Variants in INPP5A observed in about 807,000 individuals in gnomAD.
INPP5A encodes 43 kDa inositol polyphosphate 5-phophatase.
In INPP5A, 14 loss-of-function variants were observed where a neutral mutation model predicts 65.2. The observed-to-expected ratio is 0.21, with a 90% CI of 0.14 to 0.34. The LOEUF (loss-of-function observed/expected upper bound fraction) is 0.34. INPP5A is among the 10% of genes least tolerant of loss of function. The pLI is 1.00. For synonymous variants in INPP5A, 207 were observed against 208.3 expected (o/e 0.99, Z 0.05); for missense variants, 431 against 545.6 (o/e 0.79, Z 2.09).
intron 7 of INPP5A, 107 bp from the exon 8 acceptor site, chr10:132,710,230 G>A (rs1268945123): frequency 7.3e-7 from 1 of 1,372,810 alleles, no homozygotes; most frequent in African/African-American, 1.4e-5. Context: ...GCTCCGCACG[G>A]CGGAGGCCAG....
intron 1 of INPP5A, among the ~76,000 whole-genome samples, chr10:132,553,498 A>G (rs371664372): frequency 8.6e-4 from 103 of 120,154 alleles, no homozygotes; most frequent in South Asian, 1.8e-3. Context: ...ACTGGTGAAC[A>G]CCTTCTCAGA....
At chr10:132,736,579 A>T (rs534555635) in intron 9 of INPP5A, among the ~76,000 whole-genome samples, 1 of 152,282 alleles carries the variant, frequency 6.6e-6, no homozygotes, top group African/African-American at 2.4e-5. Flanking sequence ...ACCAGGGAGG[A>T]TACCACCACT....
chr10:132,585,281 G>A (rs1371999673), intron 1 of INPP5A, among the ~76,000 whole-genome samples: 1 of 152,356 alleles, frequency 6.6e-6, no homozygotes, highest in East Asian at 1.9e-4. Context: ...TACAAGTACA[G>A]TAGTCCTCCC....
chr10:132,689,631 C>T (rs1264990527), intron 4 of INPP5A, among the ~76,000 whole-genome samples: 2 of 152,198 alleles, frequency 1.3e-5, no homozygotes, highest in South Asian at 2.1e-4. Flanking sequence ...AAAAAATACA[C>T]AGAAATAATA....
chr10:132,709,489 T>C (rs1170592475), intron 7 of INPP5A, among the ~76,000 whole-genome samples: 1 of 151,896 alleles, frequency 6.6e-6, no homozygotes, highest in East Asian at 1.9e-4. Context: ...CCCCAGGCAG[T>C]GCAGGCTGCA....
chr10:132,618,195 T>C (rs749783641), intron 2 of INPP5A, among the ~76,000 whole-genome samples: 1 of 152,216 alleles, frequency 6.6e-6, no homozygotes, highest in Non-Finnish European at 1.5e-5. Flanking sequence ...TGTTGTTTAT[T>C]TATCAGGGAG....
intron 2 of INPP5A, among the ~76,000 whole-genome samples, chr10:132,634,085 C>T (rs1435629030): frequency 1.3e-5 from 2 of 152,264 alleles, no homozygotes; most frequent in African/African-American, 4.8e-5. Flanking sequence ...TCAGTAATTC[C>T]AACCTATTCA....
In INPP5A at chr10:132,650,450, A is replaced by G. The variant is rs768160475; in HGVS notation, c.251A>G (p.Tyr84Cys). 2.5e-6 allele frequency: 4 copies of G among 1,613,850 alleles called. No individual in the cohort carries two copies. The highest frequency in any genetic ancestry group is 1.3e-5 in the African/African-American group (1 of 74,932). Residue 84 changes from tyrosine to cysteine, a missense_variant, in exon 4 of 16, where the codon TAT becomes TGT. By Grantham distance (194) the Tyr-to-Cys change is radical (BLOSUM62 -2). Coordinates refer to ENST00000368594, the MANE Select transcript of INPP5A (RefSeq NM_005539.5). This position sits in a 1 kb window ranked among gnomAD's most constrained non-coding sequence, Gnocchi z 5.5. ...ELLSSDAMKEYNRARVYLDEN... is the reference protein window; with the variant it reads ...ELLSSDAMKECNRARVYLDEN... Reference sequence around the variant, plus strand: ...TTGTCGAGTGATGCGATGAAAGAATATAACAGGGCTCGAGTCTACCTGGAT... The same window carrying G: ...TTGTCGAGTGATGCGATGAAAGAATGTAACAGGGCTCGAGTCTACCTGGAT...
chr10:132,664,334 T>A (rs965479672), intron 4 of INPP5A, among the ~76,000 whole-genome samples: 1 of 152,226 alleles, frequency 6.6e-6, no homozygotes, highest in Non-Finnish European at 1.5e-5. Context: ...CCAAAGCCCG[T>A]CCAGGTTTGG....
At chr10:132,597,795 GCTGTGCTACGCGTAGTGACCCTGGGC>G (rs567381954) in intron 1 of INPP5A, among the ~76,000 whole-genome samples, 4,817 of 151,144 alleles carry the variant, frequency 0.032, 79 homozygotes, top group Non-Finnish European at 0.035. Context: ...GTGTTCCGGG[GCTGTGCTACGCGTAGTGACCCTGGGC>G]CTGTGGTGCG....
intron 4 of INPP5A, among the ~76,000 whole-genome samples, chr10:132,669,471 C>A (rs2072854288): frequency 6.6e-6 from 1 of 152,172 alleles, no homozygotes; most frequent in Admixed American, 6.5e-5. Context: ...CGAGAGGGAG[C>A]TGGGGGTGTG....
intron 1 of INPP5A, among the ~76,000 whole-genome samples, chr10:132,570,546 GC>G (rs1448855995): frequency 1.3e-5 from 2 of 152,212 alleles, no homozygotes; most frequent in Non-Finnish European, 2.9e-5. Context: ...TGGTGCTGCT[GC>G]TGGTGCTGAC....
chr10:132,683,429 G>C (rs1001676551), intron 4 of INPP5A, among the ~76,000 whole-genome samples: 6 of 152,202 alleles, frequency 3.9e-5, no homozygotes, highest in African/African-American at 1.4e-4. Flanking sequence ...CGTGTCTGCG[G>C]TGACACAGCA....
At chr10:132,712,428 T>C (rs902468583) in intron 8 of INPP5A, among the ~76,000 whole-genome samples, 3 of 148,144 alleles carry the variant, frequency 2.0e-5, no homozygotes, top group African/African-American at 4.9e-5. Context: ...CATATGTGTG[T>C]GCACGCGTGT....
intron 4 of INPP5A, among the ~76,000 whole-genome samples, chr10:132,670,473 C>A (rs1409701492): frequency 1.4e-5 from 2 of 138,790 alleles, no homozygotes; most frequent in Non-Finnish European, 3.1e-5. Flanking sequence ...CATCTTCAGC[C>A]TCTCCTCTGC....
chr10:132,570,139 G>T (rs550404002), intron 1 of INPP5A, among the ~76,000 whole-genome samples: 1 of 151,238 alleles, frequency 6.6e-6, no homozygotes, highest in African/African-American at 2.4e-5. Context: ...TAGAGACGGG[G>T]TTTCGCCTTA....
rs556474615 is a variant in INPP5A, at chr10:132,741,281, C to T, written c.733-8236C>T. ...AAATAAAAAAAGGGACACCGCCTGT[C>T]TTGGGTTGACAGCATGAGATGGGCT... On this transcript the variant is annotated intron_variant, in intron 9 of 15. Coordinates refer to ENST00000368594, the MANE Select transcript of INPP5A (RefSeq NM_005539.5). The surrounding 1 kb of genome is among the most constrained non-coding windows in gnomAD (Gnocchi z 4.4). Among the ~76,000 whole-genome samples, 39 of 152,324 alleles carry T rather than the reference C, an allele frequency of 2.6e-4. 1 individual carries two copies. In the South Asian group the frequency reaches 6.4e-3, roughly 25 times the overall value.
At position 132,616,688 on chromosome 10, in the gene INPP5A, G is replaced by A. The variant is rs2072038709; in HGVS notation, c.117+8732G>A. ...AGGGTGTGGTGGTGATGGAGGTGGTGTGGTAATGTGGCGTGGAGGATGCAG... is the reference window on the plus strand; with the variant it reads ...AGGGTGTGGTGGTGATGGAGGTGGTATGGTAATGTGGCGTGGAGGATGCAG... On this transcript the variant is annotated intron_variant, in intron 2 of 15. Coordinates refer to ENST00000368594, the MANE Select transcript of INPP5A (RefSeq NM_005539.5). The surrounding 1 kb of genome is among the most constrained non-coding windows in gnomAD (Gnocchi z 4.9). Among the ~76,000 whole-genome samples the A allele has an allele frequency of 6.6e-6, 1 of 151,794 alleles. No individual in the cohort carries two copies. Among genetic ancestry groups the A allele is most frequent in the Admixed American group, 6.6e-5 (1 of 15,254 alleles).
At chr10:132,657,325 C>T (rs2072670201) in intron 4 of INPP5A, among the ~76,000 whole-genome samples, 1 of 152,246 alleles carries the variant, frequency 6.6e-6, no homozygotes, top group Admixed American at 6.5e-5. Context: ...GCAAGCACTG[C>T]CATGGTGGAC....
Sources: allele counts gnomAD v4.1 joint callset (sites outside exome capture counted in the v4.1 genomes callset), GRCh38; gene constraint gnomAD v4.1.1; non-coding constraint Gnocchi (gnomAD v3.1); transcripts MANE v1.5; gene names NCBI Gene and HGNC (gene_info 2026-07-23, HGNC 2026-07-21).